The following ZNF704 variants were observed in gnomAD, a reference collection of about 807,000 sequenced individuals.
ZNF704 encodes zinc finger protein 704.
ZNF704 carries 10 observed loss-of-function variants against 44.7 expected under a neutral mutation model. The observed-to-expected ratio is 0.22, with a 90% CI of 0.14 to 0.38. The LOEUF (loss-of-function observed/expected upper bound fraction) is 0.38, where lower values mean the gene tolerates loss of function less well. Ranked by LOEUF, ZNF704 falls within the 10% of genes least tolerant of loss-of-function variation. The pLI is 1.00. For missense variants in ZNF704, 390 were observed against 545.5 expected (o/e 0.71, Z 2.84); for synonymous variants, 211 against 207.6 (o/e 1.02, Z -0.14).
upstream of ZNF704, among the ~76,000 whole-genome samples, chr8:80,879,300 A>T (rs1809396989): frequency 6.6e-6 from 1 of 151,018 alleles, no homozygotes; most frequent in South Asian, 2.1e-4. Flanking sequence ...GCAGTGGCTC[A>T]ATCACAGATC....
intron 4 of ZNF704, among the ~76,000 whole-genome samples, chr8:80,685,398 C>T (rs1005523373): frequency 6.6e-6 from 1 of 152,034 alleles, no homozygotes; most frequent in Non-Finnish European, 1.5e-5. Flanking sequence ...CAACCCTGGG[C>T]CGTGAGTCCT....
At chr8:80,801,902 A>C (rs895712578) in intron 2 of ZNF704, among the ~76,000 whole-genome samples, 1 of 152,046 alleles carries the variant, frequency 6.6e-6, no homozygotes, top group Non-Finnish European at 1.5e-5. Context: ...TTTTGAAAAA[A>C]CTAATAAAAT....
chr8:80,870,287 T>C (rs1385924596), intron 1 of ZNF704, among the ~76,000 whole-genome samples: 1 of 152,246 alleles, frequency 6.6e-6, no homozygotes, highest in East Asian at 1.9e-4. Flanking sequence ...TAGGGTCTAC[T>C]GTATCCCATC....
At chr8:80,688,296 A>G (rs1026486771) in intron 3 of ZNF704, among the ~76,000 whole-genome samples, 2 of 152,198 alleles carry the variant, frequency 1.3e-5, no homozygotes, top group African/African-American at 4.8e-5. Flanking sequence ...TTAAGAATCT[A>G]AGAGAAATAA....
intron 5 of ZNF704, among the ~76,000 whole-genome samples, chr8:80,666,603 T>C (rs1208540477): frequency 6.6e-6 from 1 of 151,960 alleles, no homozygotes; most frequent in Non-Finnish European, 1.5e-5. Context: ...TGTTCCTGTT[T>C]CTCCACATCC....
chr8:80,665,847 T>A (rs1034306385), intron 5 of ZNF704, among the ~76,000 whole-genome samples: 1 of 151,874 alleles, frequency 6.6e-6, no homozygotes, highest in Non-Finnish European at 1.5e-5. Flanking sequence ...TTTTCATGAT[T>A]GTAAGTTTCC....
At chr8:80,681,787 G>A (rs571410571) in intron 4 of ZNF704, among the ~76,000 whole-genome samples, 3 of 152,268 alleles carry the variant, frequency 2.0e-5, no homozygotes, top group South Asian at 2.1e-4. Context: ...TAGACATACT[G>A]AGTAGTCCTT....
intron 1 of ZNF704, among the ~76,000 whole-genome samples, chr8:80,866,937 C>A (rs1338756541): frequency 6.6e-6 from 1 of 152,132 alleles, no homozygotes; most frequent in African/African-American, 2.4e-5. Context: ...AGGGGGTAAG[C>A]AGATTCAGGG....
intron 2 of ZNF704, chr8:80,749,417 T>C (rs1806903421): frequency 6.6e-6 from 1 of 152,354 alleles, no homozygotes; most frequent in Non-Finnish European, 1.5e-5. Flanking sequence ...ACCAGTAAGA[T>C]AGCATGCAGT....
intron 2 of ZNF704, among the ~76,000 whole-genome samples, chr8:80,708,244 C>T (rs376376019): frequency 5.3e-5 from 8 of 152,134 alleles, no homozygotes; most frequent in Non-Finnish European, 7.4e-5. Context: ...CACCTAGATA[C>T]GTATACTCCG....
chr8:80,797,464 T>C (rs1358933506), intron 2 of ZNF704, among the ~76,000 whole-genome samples: 2 of 152,130 alleles, frequency 1.3e-5, no homozygotes, highest in African/African-American at 2.4e-5. Flanking sequence ...TCCATATCTC[T>C]TGCATTCTGT....
intron 1 of ZNF704, among the ~76,000 whole-genome samples, chr8:80,825,116 G>A (rs1317047856): frequency 2.0e-5 from 3 of 152,102 alleles, no homozygotes; most frequent in Non-Finnish European, 2.9e-5. Flanking sequence ...TCCAATTAAA[G>A]GACACAGACT....
intron 2 of ZNF704, among the ~76,000 whole-genome samples, chr8:80,712,062 T>C (rs1425956136): frequency 6.6e-6 from 1 of 152,200 alleles, no homozygotes; most frequent in Non-Finnish European, 1.5e-5. Context: ...AATGCAACAA[T>C]GTTCGGAGGT....
Position 80,633,393 on chromosome 8 carries a change from G to A in ZNF704, c.*7973C>T, listed in dbSNP as rs1450803495. 6.6e-6 allele frequency: 1 copy of A among 152,176 alleles called. No homozygotes were observed. Among genetic ancestry groups the A allele is most frequent in the East Asian group, 1.9e-4 (1 of 5,196 alleles). The allele number at this position is 152,176 out of a possible 1,614,324, so 9.4% of individuals were successfully genotyped here. On this transcript the variant is annotated 3_prime_UTR_variant, in exon 9 of 9. Coordinates refer to ENST00000327835, the MANE Select transcript of ZNF704 (RefSeq NM_001033723.3). ...AATTGGCTGAAATTTAGGGATTAGG[G>A]ATCTGCTACAGTAAAGGGATTCATC...
intron 2 of ZNF704, among the ~76,000 whole-genome samples, chr8:80,775,769 C>T (rs1380960581): frequency 2.0e-5 from 3 of 152,098 alleles, no homozygotes; most frequent in African/African-American, 7.2e-5. Flanking sequence ...TTATGGACAA[C>T]TCCAGAGTGA....
intron 5 of ZNF704, among the ~76,000 whole-genome samples, chr8:80,668,242 C>T (rs754204965): frequency 1.5e-4 from 23 of 152,378 alleles, no homozygotes; most frequent in Middle Eastern, 3.4e-3. Context: ...CTCACTGCAG[C>T]AGCAGCAGCA....
chr8:80,777,857 C>T (rs375167227), intron 2 of ZNF704, among the ~76,000 whole-genome samples: 2 of 147,586 alleles, frequency 1.4e-5, no homozygotes, highest in African/African-American at 2.5e-5. Context: ...CCAGCCTAGG[C>T]GACAGAGTGA....
intron 7 of ZNF704, among the ~76,000 whole-genome samples, chr8:80,656,059 G>T (rs998999375): frequency 6.6e-6 from 1 of 152,212 alleles, no homozygotes; most frequent in Non-Finnish European, 1.5e-5. Flanking sequence ...GGTCATAAGG[G>T]TGGGGCCCTG....
intron 2 of ZNF704, among the ~76,000 whole-genome samples, chr8:80,795,313 T>C (rs1016550092): frequency 1.2e-4 from 19 of 152,224 alleles, no homozygotes; most frequent in Non-Finnish European, 1.5e-5. Flanking sequence ...CTTGTAATTT[T>C]GAGATATTAA....
Sources: allele counts gnomAD v4.1 joint callset (sites outside exome capture counted in the v4.1 genomes callset), GRCh38; gene constraint gnomAD v4.1.1; transcripts MANE v1.5; gene names NCBI Gene and HGNC (gene_info 2026-07-23, HGNC 2026-07-21).